Variants in TBC1D2B observed in about 807,000 individuals in gnomAD.
TBC1D2B encodes the protein TBC1 domain family member 2B, also known as TBC1 domain family, member 2B.
TBC1D2B carries 64 observed loss-of-function variants against 100.8 expected under a neutral mutation model. The ratio of observed to expected loss-of-function variants is 0.64; its 90% CI spans 0.52 to 0.78. The LOEUF (loss-of-function observed/expected upper bound fraction) is 0.78. Ranked by LOEUF, TBC1D2B falls within the 30% of genes least tolerant of loss-of-function variation. The pLI is 0.00. For missense variants in TBC1D2B, 1,052 were observed against 1,218.4 expected, an observed-to-expected ratio of 0.86 and a Z score of 2.03; for synonymous variants, 480 against 479.7, an observed-to-expected ratio of 1.00 and a Z score of -0.01.
intron 1 of TBC1D2B, among the ~76,000 whole-genome samples, chr15:78,075,197 A>T (rs536370292): frequency 1.0e-3 from 152 of 149,934 alleles, no homozygotes; most frequent in African/African-American, 1.2e-3. Flanking sequence ...CTTATTTATT[A>T]TTTTTTTTTT....
At chr15:78,032,866 A>G (rs2141725197) in intron 3 of TBC1D2B, among the ~76,000 whole-genome samples, 1 of 152,286 alleles carries the variant, frequency 6.6e-6, no homozygotes, top group Non-Finnish European at 1.5e-5. Context: ...AAATGAAAAA[A>G]AGGAAGGATG....
chr15:77,998,473 T>C (rs1189893148), intron 12 of TBC1D2B, 118 bp from the exon 13 acceptor site: 1 of 936,604 alleles, frequency 1.1e-6, no homozygotes, highest in Non-Finnish European at 1.6e-6. Context: ...CTGGCCAGGC[T>C]TGGGGCCTGA....
Position 78,077,418 on chromosome 15 carries a change from G to C in TBC1D2B, c.235C>G (p.Leu79Val). Residue 79 changes from leucine (L) to valine (V), a missense_variant, in exon 1 of 13, where the codon CTC becomes GTC. Around this residue, in one of 4 missense-constraint regions of TBC1D2B, gnomAD observed 627 missense variants for 646.1 expected, o/e 0.97. Coordinates refer to ENST00000300584, the MANE Select transcript of TBC1D2B (RefSeq NM_144572.2). ...GCGTCCGCGATGTCCAAGTGGCCGA[G>C]GGGCAGCGCGTCCTGCGGACTCTTG... ...YFKSPQDALPLGHLDIADACF... is the reference protein window; with the variant it reads ...YFKSPQDALPVGHLDIADACF... 6.5e-7 allele frequency: 1 copy of C among 1,546,126 alleles called. No individual in the cohort carries two copies. Among genetic ancestry groups the C allele is most frequent in the Non-Finnish European group, 8.7e-7 (1 of 1,145,374 alleles).
intron 10 of TBC1D2B, among the ~76,000 whole-genome samples, chr15:78,008,781 T>C (rs2072141908): frequency 6.6e-6 from 1 of 152,174 alleles, no homozygotes; most frequent in Non-Finnish European, 1.5e-5. Context: ...TCTCTGCTGG[T>C]TCGCAGGGGG....
intron 2 of TBC1D2B, among the ~76,000 whole-genome samples, chr15:78,047,526 G>C (rs2073223131): frequency 6.6e-6 from 1 of 152,172 alleles, no homozygotes; most frequent in Admixed American, 6.5e-5. Flanking sequence ...AGGGAAAAGA[G>C]GATGGGGGCC....
chr15:78,026,193 G>A (rs1270530952), intron 4 of TBC1D2B, among the ~76,000 whole-genome samples: 2 of 150,484 alleles, frequency 1.3e-5, no homozygotes, highest in African/African-American at 4.9e-5. Flanking sequence ...TACTTTGAAT[G>A]TGTCCCCCAA....
intron 3 of TBC1D2B, among the ~76,000 whole-genome samples, chr15:78,044,530 G>T (rs2073155279): frequency 6.6e-6 from 1 of 152,236 alleles, no homozygotes; most frequent in African/African-American, 2.4e-5. Flanking sequence ...CCAGCCTAGT[G>T]TCTTGGAGAG....
intron 10 of TBC1D2B, 137 bp from the exon 11 acceptor site, chr15:78,003,627 G>A (rs2141624264): frequency 6.4e-6 from 4 of 628,698 alleles, no homozygotes; most frequent in Middle Eastern, 4.3e-4. Context: ...GCACCGTGGG[G>A]CCCATCACGG....
Position 78,003,110 on chromosome 15 carries a change from G to A in TBC1D2B, c.2574+195C>T, listed in dbSNP as rs1157948204. 5.4e-6 allele frequency: 3 copies of A among 553,316 alleles called. No individual in the cohort carries two copies. The East Asian group carries it at 8.8e-5, about 16-fold the overall frequency. The allele number at this position is 553,316 out of a possible 1,614,324, so 34.3% of individuals were successfully genotyped here. A position where few individuals can be genotyped will look rare whatever the true frequency, so the allele number is the denominator to read the frequency against. On this transcript the variant is annotated intron_variant, in intron 11 of 12. Transcript: ENST00000300584. ...TCACAGGGCTTGATGTGGGTTGAAT[G>A]TTTCTGATACATGAACAAATGACTG...
At chr15:78,019,621 C>T (rs2072463012) in intron 6 of TBC1D2B, among the ~76,000 whole-genome samples, 1 of 151,650 alleles carries the variant, frequency 6.6e-6, no homozygotes, top group Non-Finnish European at 1.5e-5. Flanking sequence ...GGAATGGTGA[C>T]TCATGCCTGT....
At chr15:78,073,862 G>A (rs1184847051) in intron 1 of TBC1D2B, among the ~76,000 whole-genome samples, 3 of 151,298 alleles carry the variant, frequency 2.0e-5, no homozygotes, top group South Asian at 2.1e-4. Context: ...CCCTCAGCTC[G>A]GAAGGCTGAG....
At chr15:78,060,652 C>G (rs577337910) in intron 1 of TBC1D2B, among the ~76,000 whole-genome samples, 35 of 151,970 alleles carry the variant, frequency 2.3e-4, no homozygotes, top group Non-Finnish European at 5.0e-4. Context: ...CACTGTGGCT[C>G]ACTCCTGTAA....
At chr15:78,028,940 T>C (rs916369693) in intron 4 of TBC1D2B, among the ~76,000 whole-genome samples, 1 of 152,238 alleles carries the variant, frequency 6.6e-6, no homozygotes, top group Non-Finnish European at 1.5e-5. Flanking sequence ...GTGTGGGTCT[T>C]GTTTGAATCC....
rs996550768 is a variant in TBC1D2B, at chr15:77,998,076, G to T, written c.*84C>A. On this transcript the variant is annotated 3_prime_UTR_variant, in exon 13 of 13. Transcript: ENST00000300584. ...CAGCAGATCCCCAGAGGACACACAC[G>T]TTACATTCTGGCTTTTAAGTGCACT... 9.0e-6 allele frequency: 12 copies of T among 1,329,422 alleles called. No homozygotes were observed. The Admixed American group carries it at 3.4e-4, about 38-fold the overall frequency. 82.4% of individuals were successfully genotyped at this position (1,329,422 alleles called of 1,614,324 possible). A position where few individuals can be genotyped will look rare whatever the true frequency, so the allele number is the denominator to read the frequency against.
intron 3 of TBC1D2B, among the ~76,000 whole-genome samples, chr15:78,035,924 C>T (rs1456557253): frequency 6.6e-6 from 1 of 152,202 alleles, no homozygotes; most frequent in Non-Finnish European, 1.5e-5. Flanking sequence ...AGGGGCATGG[C>T]AGGTGGCCCT....
At chr15:78,050,742 C>T (rs1393742031) in intron 2 of TBC1D2B, among the ~76,000 whole-genome samples, 1 of 152,146 alleles carries the variant, frequency 6.6e-6, no homozygotes, top group Non-Finnish European at 1.5e-5. Flanking sequence ...CAGATACTGA[C>T]TAATAATAAA....
chr15:78,031,496 G>A (rs746180335), intron 3 of TBC1D2B, among the ~76,000 whole-genome samples: 20 of 132,594 alleles, frequency 1.5e-4, no homozygotes, highest in Middle Eastern at 0.01. Flanking sequence ...GGAGGTTACA[G>A]TGAGAAGAGA....
chr15:78,059,215 G>A (rs968315815), intron 1 of TBC1D2B, among the ~76,000 whole-genome samples: 2 of 152,236 alleles, frequency 1.3e-5, no homozygotes, highest in African/African-American at 4.8e-5. Flanking sequence ...CACTCCCTGT[G>A]TGTTCCTCAC....
intron 2 of TBC1D2B, among the ~76,000 whole-genome samples, chr15:78,049,134 A>C (rs2073259968): frequency 6.6e-6 from 1 of 152,214 alleles, no homozygotes; most frequent in Non-Finnish European, 1.5e-5. Flanking sequence ...CTTCCAAGTG[A>C]GGACATAGCA....
Sources: gnomAD v4.1 joint callset for allele counts (sites outside exome capture counted in the v4.1 genomes callset) on GRCh38, gnomAD v4.1.1 for gene constraint, gnomAD v4.1.1 regional missense constraint, MANE v1.5 for transcripts, NCBI Gene and HGNC (gene_info 2026-07-23, HGNC 2026-07-21) for gene names.